PPARGC1A: variants seen among roughly 807,000 people sequenced by gnomAD.
PPARGC1A encodes the protein PPARG coactivator 1 alpha.
Under a neutral mutation model 88.7 loss-of-function variants are expected in PPARGC1A, and 25 were observed. That is an observed-to-expected ratio of 0.28 (90% CI 0.21 to 0.39). The LOEUF (loss-of-function observed/expected upper bound fraction) is 0.39. PPARGC1A is among the 10% of genes least tolerant of loss of function. The pLI, the probability that PPARGC1A is intolerant of heterozygous loss-of-function variation, is 1.00. For missense variants in PPARGC1A, 880 were observed against 968.7 expected, an observed-to-expected ratio of 0.91 and a Z score of 1.22; for synonymous variants, 363 against 355.6, an observed-to-expected ratio of 1.02 and a Z score of -0.24.
the PPARGC1A span, among the ~76,000 whole-genome samples, chr4:24,309,400 AG>A: frequency 6.6e-6 from 1 of 152,178 alleles, no homozygotes; most frequent in South Asian, 2.1e-4. Context: ...TTCAACATCA[AG>A]GGGGATAGTG....
chr4:23,934,206 G>A, the PPARGC1A span, among the ~76,000 whole-genome samples: 1 of 152,164 alleles, frequency 6.6e-6, no homozygotes, highest in Non-Finnish European at 1.5e-5. Context: ...AATGCTATGA[G>A]GAGCACTAAC....
At chr4:24,123,029 A>G in the PPARGC1A span, among the ~76,000 whole-genome samples, 642 of 152,278 alleles carry the variant, frequency 4.2e-3, 13 homozygotes, top group East Asian at 0.07. Context: ...GTGTGTGTGC[A>G]TGTGTGTGCA....
chr4:23,882,831 A>G (rs953581926), intron 2 of PPARGC1A: 2 of 152,182 alleles, frequency 1.3e-5, no homozygotes, highest in African/African-American at 2.4e-5. Context: ...ACCTCTCACA[A>G]ATACCACAAC....
chr4:24,442,877 G>C, the PPARGC1A span, among the ~76,000 whole-genome samples: 49 of 152,276 alleles, frequency 3.2e-4, 1 homozygote, highest in Middle Eastern at 3.4e-3. Context: ...CTGCTGAGTG[G>C]ATTAGCTTAG....
At chr4:24,070,657 T>G in the PPARGC1A span, among the ~76,000 whole-genome samples, 1 of 152,200 alleles carries the variant, frequency 6.6e-6, no homozygotes, top group Non-Finnish European at 1.5e-5. Flanking sequence ...TAACCCTTTG[T>G]TAGCTAGGCC....
intron 10 of PPARGC1A, among the ~76,000 whole-genome samples, chr4:23,811,925 T>G (rs1429639476): frequency 2.1e-5 from 1 of 47,822 alleles, no homozygotes; most frequent in Non-Finnish European, 4.1e-5. Context: ...TTTTTTTTTT[T>G]TTTTTTTTTT....
chr4:24,362,895 A>G, the PPARGC1A span, among the ~76,000 whole-genome samples: 1 of 152,194 alleles, frequency 6.6e-6, no homozygotes, highest in South Asian at 2.1e-4. Context: ...TTCAAATATC[A>G]AGCGTGCAAG....
At chr4:24,087,690 C>A in the PPARGC1A span, among the ~76,000 whole-genome samples, 1 of 152,196 alleles carries the variant, frequency 6.6e-6, no homozygotes, top group Non-Finnish European at 1.5e-5. Flanking sequence ...TAAGCCACTG[C>A]CATCTCTGTC....
At chr4:24,281,114 G>T in the PPARGC1A span, among the ~76,000 whole-genome samples, 1 of 152,174 alleles carries the variant, frequency 6.6e-6, no homozygotes, top group African/African-American at 2.4e-5. Flanking sequence ...TTGACATGTG[G>T]CATATACATG....
chr4:24,464,042 T>C, the PPARGC1A span, among the ~76,000 whole-genome samples: 1 of 152,220 alleles, frequency 6.6e-6, no homozygotes, highest in Non-Finnish European at 1.5e-5. Flanking sequence ...TAAATATACA[T>C]TCTGGTTGCA....
the PPARGC1A span, among the ~76,000 whole-genome samples, chr4:24,155,386 G>A: frequency 4.6e-5 from 7 of 151,736 alleles, no homozygotes; most frequent in Admixed American, 6.6e-5. Context: ...ACTTTGGGAG[G>A]CCGAGGTGGG....
chr4:24,261,832 C>T, the PPARGC1A span, among the ~76,000 whole-genome samples: 1 of 152,164 alleles, frequency 6.6e-6, no homozygotes, highest in Admixed American at 6.5e-5. Flanking sequence ...CTCCAACACA[C>T]AGCCATTATG....
chr4:24,131,015 T>C, the PPARGC1A span, among the ~76,000 whole-genome samples: 1 of 152,176 alleles, frequency 6.6e-6, no homozygotes, highest in Non-Finnish European at 1.5e-5. Flanking sequence ...TCCTTCCAGA[T>C]AGAACTGACC....
the PPARGC1A span, among the ~76,000 whole-genome samples, chr4:24,064,050 C>G: frequency 3.3e-5 from 5 of 152,274 alleles, no homozygotes; most frequent in East Asian, 5.8e-4. Context: ...CTGAACTGCC[C>G]GAGCAGCACC....
the PPARGC1A span, among the ~76,000 whole-genome samples, chr4:24,059,263 A>G: frequency 6.6e-6 from 1 of 152,214 alleles, no homozygotes; most frequent in Non-Finnish European, 1.5e-5. Context: ...GGAGAACAGC[A>G]TCTGGCCTCA....
chr4:24,188,619 G>T, the PPARGC1A span, among the ~76,000 whole-genome samples: 3 of 152,070 alleles, frequency 2.0e-5, no homozygotes, highest in Non-Finnish European at 2.9e-5. Context: ...CCATAAGGAT[G>T]GTTACTATCA....
the PPARGC1A span, among the ~76,000 whole-genome samples, chr4:24,379,923 C>T: frequency 2.0e-5 from 3 of 151,730 alleles, no homozygotes; most frequent in Admixed American, 1.3e-4. Context: ...GGATTACAGA[C>T]GCGCCCCACC....
chr4:24,182,419 A>G, the PPARGC1A span, among the ~76,000 whole-genome samples: 1 of 152,134 alleles, frequency 6.6e-6, no homozygotes, highest in Admixed American at 6.6e-5. Context: ...CAGGTTGGCT[A>G]CAAGTCTTTG....
At chr4:24,232,728 C>T in the PPARGC1A span, among the ~76,000 whole-genome samples, 1 of 152,132 alleles carries the variant, frequency 6.6e-6, no homozygotes, top group South Asian at 2.1e-4. Flanking sequence ...TTCAGCCTGG[C>T]CTGATTAGAA....
Sources: allele counts gnomAD v4.1 joint callset (sites outside exome capture counted in the v4.1 genomes callset), GRCh38; gene constraint gnomAD v4.1.1; transcripts MANE v1.5; gene names NCBI Gene and HGNC (gene_info 2026-07-23, HGNC 2026-07-21).